Variants in JRK observed in about 807,000 individuals in gnomAD.
JRK encodes jerky protein homolog.
For synonymous variants in JRK, 303 were observed against 218.1 expected (o/e 1.39, Z -3.43); for missense variants, 720 against 509.2 (o/e 1.41, Z -3.98).
chr8:142,663,698 G>A lies in JRK; in HGVS notation c.*654C>T. The A allele has an allele frequency of 1.0e-6, 1 of 985,500 alleles. No homozygotes were observed. The highest frequency in any genetic ancestry group is 1.2e-6 in the Non-Finnish European group (1 of 829,960). The allele number at this position is 985,500 out of a possible 1,614,324, so 61.0% of individuals were successfully genotyped here. ...GGGGCCCCCCAACATCTTGGGGCCA[G>A]AGCCCATGGGACAGGATCTGCGGGT... On this transcript the variant is annotated 3_prime_UTR_variant, in exon 2 of 2. Coordinates refer to ENST00000612905, the MANE Select transcript of JRK (RefSeq NM_003724.4).
Position 142,661,420 on chromosome 8 carries a change from G to A in JRK, c.*2932C>T. ...AGTGAGGACACAGGAGCGCCCTCAG[G>A]CCTGAGCACTCAGGGGTGCCACCCC... On this transcript the variant is annotated 3_prime_UTR_variant, in exon 2 of 2. Coordinates refer to ENST00000612905, the MANE Select transcript of JRK (RefSeq NM_003724.4). 1.0e-6 allele frequency: 1 copy of A among 985,498 alleles called. No individual in the cohort carries two copies. Among genetic ancestry groups the A allele is most frequent in the South Asian group, 4.7e-5 (1 of 21,286 alleles). The allele number at this position is 985,498 out of a possible 1,614,324, so 61.0% of individuals were successfully genotyped here. A position where few individuals can be genotyped will look rare whatever the true frequency, so the allele number is the denominator to read the frequency against.
chr8:142,648,582 G>A, the JRK span, among the ~76,000 whole-genome samples: 1 of 152,270 alleles, frequency 6.6e-6, no homozygotes, highest in African/African-American at 2.4e-5. Flanking sequence ...AAGAATTGAA[G>A]TTTGGGAACC....
Position 142,657,805 on chromosome 8 carries a change from G to A in JRK, c.*6547C>T, listed in dbSNP as rs1846787384. 1 of 152,266 alleles carries A rather than the reference G, an allele frequency of 6.6e-6. No homozygotes were observed. The highest frequency in any genetic ancestry group is 2.4e-5 in the African/African-American group (1 of 41,468). 9.4% of individuals were successfully genotyped at this position (152,266 alleles called of 1,614,324 possible). On this transcript the variant is annotated 3_prime_UTR_variant, in exon 2 of 2. Coordinates refer to ENST00000612905, the MANE Select transcript of JRK (RefSeq NM_003724.4). ...TCAAATTTCCATATAAGATTAGAAA[G>A]GGACAAACATCCAAACTGTATCATG... is the stretch of plus-strand genomic sequence containing the variant.
chr8:142,667,009 C>T (rs1847148204), intron 1 of JRK, among the ~76,000 whole-genome samples: 1 of 152,324 alleles, frequency 6.6e-6, no homozygotes, highest in Admixed American at 6.5e-5. Context: ...GGAGGAGGAA[C>T]TCCTCACTAC....
chr8:142,661,926 C>T lies in JRK; in HGVS notation c.*2426G>A, dbSNP rs1409275988. Reference sequence around the variant, plus strand: ...ACAGGACCGAGGCAAGAGGTATGCACCAGGCAGCTGGGCCCAGCAGCTCAG... The same window carrying T: ...ACAGGACCGAGGCAAGAGGTATGCATCAGGCAGCTGGGCCCAGCAGCTCAG... On this transcript the variant is annotated 3_prime_UTR_variant, in exon 2 of 2. Transcript: ENST00000612905. 1.0e-6 allele frequency: 1 copy of T among 985,544 alleles called. No individual in the cohort carries two copies. The highest frequency in any genetic ancestry group is 1.2e-6 in the Non-Finnish European group (1 of 830,018). 61.0% of individuals were successfully genotyped at this position (985,544 alleles called of 1,614,324 possible).
Position 142,658,853 on chromosome 8 carries a change from C to A in JRK, c.*5499G>T. On this transcript the variant is annotated 3_prime_UTR_variant, in exon 2 of 2. Coordinates refer to ENST00000612905, the MANE Select transcript of JRK (RefSeq NM_003724.4). ...CTGCCATGTGGCAGAAGTTCTCCAACATTATGTCTCTGTAGAGGCCTCCAG... is the reference window on the plus strand; with the variant it reads ...CTGCCATGTGGCAGAAGTTCTCCAAAATTATGTCTCTGTAGAGGCCTCCAG... 6.2e-7 allele frequency: 1 copy of A among 1,612,498 alleles called. No homozygotes were observed.
downstream of JRK, among the ~76,000 whole-genome samples, chr8:142,652,609 C>T (rs1311078821): frequency 6.6e-6 from 1 of 151,934 alleles, no homozygotes; most frequent in African/African-American, 2.4e-5. Context: ...TTCCATAGGC[C>T]CCTCCCCACC....
At chr8:142,653,485 T>C (rs1846701017), downstream of JRK, among the ~76,000 whole-genome samples, 1 of 152,032 alleles carries the variant, frequency 6.6e-6, no homozygotes, top group Non-Finnish European at 1.5e-5. Flanking sequence ...GCAGTCTTCC[T>C]GCCTCAGCCT....
chr8:142,667,140 G>C (rs1161005619), intron 1 of JRK, among the ~76,000 whole-genome samples: 1 of 152,190 alleles, frequency 6.6e-6, no homozygotes, highest in African/African-American at 2.4e-5. Flanking sequence ...AGAACAGCAG[G>C]CCTCAAGCTC....
Position 142,664,197 on chromosome 8 carries a change from C to A in JRK, c.*155G>T. The stretch of plus-strand genomic sequence containing the variant: ...AACCTCGGGCACAGACCGTCCTGGG[C>A]ACCCGAGCCACACCCGTGGGCGACC... On this transcript the variant is annotated 3_prime_UTR_variant, in exon 2 of 2. Transcript: ENST00000612905. 6.4e-6 allele frequency: 9 copies of A among 1,399,206 alleles called. No individual in the cohort carries two copies. Among genetic ancestry groups the A allele is most frequent in the South Asian group, 3.7e-5 (2 of 54,150 alleles). The allele number at this position is 1,399,206 out of a possible 1,614,324, so 86.7% of individuals were successfully genotyped here.
the JRK span, among the ~76,000 whole-genome samples, chr8:142,651,765 A>G: frequency 3.0e-3 from 454 of 152,362 alleles, 5 homozygotes; most frequent in Non-Finnish European, 4.8e-3. Flanking sequence ...AACAGTAAGC[A>G]GAAATTAAGA....
intron 1 of JRK, among the ~76,000 whole-genome samples, chr8:142,667,356 C>G (rs73714655): frequency 0.012 from 1,824 of 152,230 alleles, 34 homozygotes; most frequent in African/African-American, 0.042. Flanking sequence ...AAACCCCAGG[C>G]TCTAGTGCTG....
chr8:142,657,000 C>G (rs1846766334), downstream of JRK, among the ~76,000 whole-genome samples: 1 of 152,176 alleles, frequency 6.6e-6, no homozygotes, highest in Non-Finnish European at 1.5e-5. Flanking sequence ...GTGGAAGCCT[C>G]TGGGGAGGGC....
At chr8:142,654,131 G>C (rs772248545), downstream of JRK, among the ~76,000 whole-genome samples, 1 of 152,080 alleles carries the variant, frequency 6.6e-6, no homozygotes. Flanking sequence ...CCACAAGGTC[G>C]GGGGAAGCTG....
chr8:142,656,197 A>G (rs1846747925), downstream of JRK, among the ~76,000 whole-genome samples: 1 of 152,158 alleles, frequency 6.6e-6, no homozygotes, highest in Non-Finnish European at 1.5e-5. Flanking sequence ...TAGGTAACCT[A>G]TTGTAGCAAT....
chr8:142,651,395 G>GAA, the JRK span, among the ~76,000 whole-genome samples: 8 of 136,076 alleles, frequency 5.9e-5, no homozygotes, highest in African/African-American at 1.1e-4. Flanking sequence ...TGTCATGCTG[G>GAA]AAAAAAAAAA....
Position 142,660,728 on chromosome 8 carries a change from G to A in JRK, c.*3624C>T, listed in dbSNP as rs868906341. 5.8e-5 allele frequency: 57 copies of A among 985,478 alleles called. No individual in the cohort carries two copies. Among genetic ancestry groups the A allele is most frequent in the Middle Eastern group, 1.0e-3 (2 of 1,916 alleles). 61.0% of individuals were successfully genotyped at this position (985,478 alleles called of 1,614,324 possible). A position where few individuals can be genotyped will look rare whatever the true frequency, so the allele number is the denominator to read the frequency against. On this transcript the variant is annotated 3_prime_UTR_variant, in exon 2 of 2. Transcript: ENST00000612905. ...CCCAATAAGCACATTTATGTGGGGC[G>A]TGAGGTGAGGTCCCTGAGGTGCAGT...
chr8:142,663,916 A>G lies in JRK; in HGVS notation c.*436T>C, dbSNP rs967851979. ...CAGCAGATAGAGCCTTCTGAGACGA[A>G]GCCTGTCCAGGGGCGGTGGGCATGG... is the stretch of plus-strand genomic sequence containing the variant. On this transcript the variant is annotated 3_prime_UTR_variant, in exon 2 of 2. Transcript: ENST00000612905. 6.7e-5 allele frequency: 67 copies of G among 996,346 alleles called. No individual in the cohort carries two copies. The South Asian group carries it at 2.7e-3, about 40-fold the overall frequency. 61.7% of individuals were successfully genotyped at this position (996,346 alleles called of 1,614,324 possible). A position where few individuals can be genotyped will look rare whatever the true frequency, so the allele number is the denominator to read the frequency against.
the JRK span, among the ~76,000 whole-genome samples, chr8:142,646,876 C>T: frequency 6.6e-6 from 1 of 152,152 alleles, no homozygotes; most frequent in East Asian, 1.9e-4. Flanking sequence ...ATTCCTAAGA[C>T]CTCCTTTTTT....
Sources: allele counts gnomAD v4.1 joint callset (sites outside exome capture counted in the v4.1 genomes callset), GRCh38; gene constraint gnomAD v4.1.1; transcripts MANE v1.5; gene names NCBI Gene and HGNC (gene_info 2026-07-23, HGNC 2026-07-21).